Variants in OCIAD2 observed in about 807,000 individuals in gnomAD.
OCIAD2 encodes OCIA domain-containing protein 2.
Under a neutral mutation model 22.9 loss-of-function variants are expected in OCIAD2, and 29 were observed. The ratio of observed to expected loss-of-function variants is 1.27; its 90% CI spans 0.94 to 1.73. The LOEUF is 1.73. Ranked by LOEUF, OCIAD2 falls within the 40% of genes most tolerant of loss-of-function variation. The probability of loss-of-function intolerance (pLI) is 0.00; values close to 1 mark genes in which losing one functional copy is unlikely to be tolerated. For synonymous variants in OCIAD2, 67 were observed against 60.2 expected (o/e 1.11, Z -0.52); for missense variants, 189 against 180.3 (o/e 1.05, Z -0.28).
intron 2 of OCIAD2, among the ~76,000 whole-genome samples, chr4:48,903,274 A>AG (rs1200613097): frequency 9.2e-5 from 14 of 152,208 alleles, no homozygotes; most frequent in African/African-American, 2.7e-4. Flanking sequence ...GCTAATTAGT[A>AG]ATAAAGGACT....
At chr4:48,904,422 C>A in intron 2 of OCIAD2, 62 bp downstream of exon 2, 2 of 1,431,722 alleles carry the variant, frequency 1.4e-6, no homozygotes, top group Non-Finnish European at 9.9e-7. Context: ...GCACTCCAGT[C>A]TGGGTGACAG....
At chr4:48,891,291 G>A (rs1437513349) in intron 6 of OCIAD2, among the ~76,000 whole-genome samples, 1 of 152,184 alleles carries the variant, frequency 6.6e-6, no homozygotes, top group African/African-American at 2.4e-5. Context: ...CCTCAACTGA[G>A]TTAAGTGCCC....
chr4:48,887,193 T>C (rs1781014736), intron 6 of OCIAD2, among the ~76,000 whole-genome samples: 1 of 152,234 alleles, frequency 6.6e-6, no homozygotes, highest in African/African-American at 2.4e-5. Context: ...GGGTTGTTTT[T>C]TTCTTGTAAA....
intron 6 of OCIAD2, among the ~76,000 whole-genome samples, chr4:48,888,482 T>C (rs1414411826): frequency 1.1e-4 from 16 of 152,330 alleles, no homozygotes; most frequent in African/African-American, 3.4e-4. Flanking sequence ...TTGTCATAAA[T>C]AGCTCTTATT....
intron 6 of OCIAD2, 88 bp from the exon 7 acceptor site, chr4:48,885,653 A>C: frequency 1.3e-6 from 1 of 750,896 alleles, no homozygotes; most frequent in Non-Finnish European, 2.3e-6. Flanking sequence ...TATTATTTTA[A>C]CATAATCTTT....
intron 6 of OCIAD2, among the ~76,000 whole-genome samples, chr4:48,890,491 T>C (rs545971263): frequency 1.3e-5 from 2 of 152,250 alleles, no homozygotes; most frequent in East Asian, 3.9e-4. Context: ...GGAGTTAGAT[T>C]TGGACACATA....
chr4:48,899,106 A>C (rs1292263106), intron 3 of OCIAD2, among the ~76,000 whole-genome samples: 6 of 152,228 alleles, frequency 3.9e-5, no homozygotes, highest in Non-Finnish European at 7.3e-5. Flanking sequence ...GTGACACTAA[A>C]TTTGAATGAC....
intron 6 of OCIAD2, among the ~76,000 whole-genome samples, chr4:48,889,482 T>A (rs1781101232): frequency 6.6e-6 from 1 of 152,216 alleles, no homozygotes; most frequent in Non-Finnish European, 1.5e-5. Flanking sequence ...AAGACATTTA[T>A]GCAGCCAACA....
chr4:48,904,679 A>C (rs1781490846), intron 1 of OCIAD2, 68 bp from the exon 2 acceptor site: 1 of 847,168 alleles, frequency 1.2e-6, no homozygotes, highest in Non-Finnish European at 2.0e-6. Flanking sequence ...AAGCATCCTG[A>C]GGATCCACTG....
At chr4:48,900,197 CT>C (rs1481724727) in intron 2 of OCIAD2, among the ~76,000 whole-genome samples, 2 of 144,078 alleles carry the variant, frequency 1.4e-5, no homozygotes, top group African/African-American at 4.9e-5. Flanking sequence ...TGCGATCAGG[CT>C]GAATCCCTGC....
intron 5 of OCIAD2, 103 bp from the exon 6 acceptor site, chr4:48,892,992 C>A (rs888841319): frequency 9.3e-6 from 6 of 646,558 alleles, no homozygotes; most frequent in Non-Finnish European, 1.4e-5. Context: ...AAAAGGACCA[C>A]GCTAAATCAA....
intron 6 of OCIAD2, among the ~76,000 whole-genome samples, chr4:48,887,850 G>A (rs1190716951): frequency 6.6e-5 from 10 of 152,138 alleles, no homozygotes; most frequent in African/African-American, 1.4e-4. Flanking sequence ...TGAATTTTAA[G>A]GTAGTTTTTT....
chr4:48,888,892 G>C (rs979704010), intron 6 of OCIAD2, among the ~76,000 whole-genome samples: 3 of 152,164 alleles, frequency 2.0e-5, no homozygotes, highest in Admixed American at 6.6e-5. Flanking sequence ...CTATTGATTG[G>C]AATAGTTTCA....
intron 4 of OCIAD2, among the ~76,000 whole-genome samples, chr4:48,894,358 T>C (rs1781255824): frequency 6.6e-6 from 1 of 151,972 alleles, no homozygotes; most frequent in South Asian, 2.1e-4. Context: ...CCAGGCATGA[T>C]GGTGGGTGCC....
intron 6 of OCIAD2, among the ~76,000 whole-genome samples, chr4:48,887,166 T>C (rs1175893819): frequency 6.6e-6 from 1 of 152,248 alleles, no homozygotes; most frequent in African/African-American, 2.4e-5. Flanking sequence ...TTCATATCCT[T>C]TGCCCACTTG....
chr4:48,901,658 G>T (rs192288919), intron 2 of OCIAD2, among the ~76,000 whole-genome samples: 1 of 152,248 alleles, frequency 6.6e-6, no homozygotes, highest in Admixed American at 6.5e-5. Flanking sequence ...CCTGTAATTG[G>T]ATCTGGGTTG....
chr4:48,901,329 A>G (rs1236644294), intron 2 of OCIAD2, among the ~76,000 whole-genome samples: 1 of 151,994 alleles, frequency 6.6e-6, no homozygotes, highest in Non-Finnish European at 1.5e-5. Flanking sequence ...CTAGAAGTAA[A>G]GCTCAGGGTG....
rs762029132 is a variant in OCIAD2, at chr4:48,897,868, A to T, written c.164-11T>A. 6.2e-7 allele frequency: 1 copy of T among 1,608,392 alleles called. No homozygotes were observed. Among genetic ancestry groups the T allele is most frequent in the South Asian group, 1.1e-5 (1 of 90,680 alleles). On this transcript the variant is annotated splice_polypyrimidine_tract_variant and intron_variant, in intron 3 of 6. Coordinates refer to ENST00000508632, the MANE Select transcript of OCIAD2 (RefSeq NM_001014446.3). The stretch of plus-strand genomic sequence containing the variant: ...GAGAAAAAGGCAGAGCTGTAAAGCA[A>T]AAATGTCCTTCAATATTGGTATTTT...
intron 6 of OCIAD2, among the ~76,000 whole-genome samples, chr4:48,887,774 T>A (rs914671814): frequency 6.6e-6 from 1 of 152,238 alleles, no homozygotes; most frequent in Non-Finnish European, 1.5e-5. Flanking sequence ...GGTAGCATGA[T>A]GCCTCCAGTT....
Sources: gnomAD v4.1 joint callset for allele counts (sites outside exome capture counted in the v4.1 genomes callset) on GRCh38, gnomAD v4.1.1 for gene constraint, MANE v1.5 for transcripts, NCBI Gene and HGNC (gene_info 2026-07-23, HGNC 2026-07-21) for gene names.